The following DHODH variants were observed in gnomAD, a reference collection of about 807,000 sequenced individuals.
DHODH encodes dihydroorotate dehydrogenase (quinone).
A neutral mutation model predicts 39.7 loss-of-function variants in DHODH; 30 were observed. The observed-to-expected ratio is 0.76, with a 90% CI of 0.57 to 1.02. The LOEUF is 1.02. DHODH is among the 50% of genes least tolerant of loss of function. DHODH has a pLI of 0.00. For missense variants in DHODH, 531 were observed against 520.8 expected, an observed-to-expected ratio of 1.02 and a Z score of -0.19; for synonymous variants, 222 against 213.8, an observed-to-expected ratio of 1.04 and a Z score of -0.34.
intron 6 of DHODH, 67 bp downstream of exon 6, chr16:72,022,542 G>A (rs191199300): frequency 1.6e-4 from 212 of 1,317,640 alleles, no homozygotes; most frequent in Non-Finnish European, 2.2e-4. Flanking sequence ...GGCCAGCTGG[G>A]CTAGCCCAGA....
rs1190219833 is a variant in DHODH, at chr16:72,027,098, A to G, written c.*2899A>G. On this transcript the variant is annotated 3_prime_UTR_variant, in exon 9 of 9. Transcript: ENST00000219240. ...TGCAAGCTCCGCCTCCCGGGTTCAC[A>G]CTATTCTCCTGCCTCAGCCTCCCGA... The G allele has an allele frequency of 1.3e-5, 2 of 150,076 alleles. No individual in the cohort carries two copies. Among genetic ancestry groups the G allele is most frequent in the Non-Finnish European group, 3.0e-5 (2 of 67,612 alleles). The allele number at this position is 150,076 out of a possible 1,614,324, so 9.3% of individuals were successfully genotyped here. A position where few individuals can be genotyped will look rare whatever the true frequency, so the allele number is the denominator to read the frequency against.
intron 4 of DHODH, among the ~76,000 whole-genome samples, chr16:72,018,228 A>C (rs1003764914): frequency 1.3e-5 from 2 of 152,156 alleles, no homozygotes; most frequent in African/African-American, 4.8e-5. Flanking sequence ...GTTGTGGCTC[A>C]GTAGCGACCA....
chr16:72,011,016 A>C (rs1333359948), intron 1 of DHODH, among the ~76,000 whole-genome samples: 1 of 147,644 alleles, frequency 6.8e-6, no homozygotes, highest in East Asian at 1.9e-4. Context: ...ATGAGCCACC[A>C]AGTCCAGCTA....
chr16:72,014,740 A>G (rs948510977), intron 3 of DHODH, 68 bp downstream of exon 3: 139 of 1,474,104 alleles, frequency 9.4e-5, no homozygotes, highest in Non-Finnish European at 1.2e-4. Flanking sequence ...GAGATATAAG[A>G]TCTGCCTCTG....
chr16:72,026,617 G>C lies in DHODH; in HGVS notation c.*2418G>C, dbSNP rs2144012051. ...GCTGGTCTCGAACTCCTGACCTCTT[G>C]GTCCACCCGCCTCAGCCTCCCAAAG... On this transcript the variant is annotated 3_prime_UTR_variant, in exon 9 of 9. Coordinates refer to ENST00000219240, the MANE Select transcript of DHODH (RefSeq NM_001361.5). 6.6e-6 allele frequency: 1 copy of C among 152,148 alleles called. No homozygotes were observed. The highest frequency in any genetic ancestry group is 1.9e-4 in the East Asian group (1 of 5,184). The allele number at this position is 152,148 out of a possible 1,614,324, so 9.4% of individuals were successfully genotyped here.
chr16:72,023,386 C>A, intron 7 of DHODH, 68 bp downstream of exon 7: 1 of 1,613,102 alleles, frequency 6.2e-7, no homozygotes, highest in Non-Finnish European at 8.5e-7. Context: ...TGATGGGAAT[C>A]ATCATTCCCT....
chr16:72,023,584 G>C lies in DHODH; in HGVS notation c.1084G>C (p.Gly362Arg), dbSNP rs1286807512. 6.2e-7 allele frequency: 1 copy of C among 1,614,098 alleles called. No homozygotes were observed. The highest frequency in any genetic ancestry group is 2.2e-5 in the East Asian group (1 of 44,880). The change falls in exon 8 of 9, where the codon GGG becomes CGG. Residue 362 changes from glycine to arginine, a missense_variant. Coordinates refer to ENST00000219240, the MANE Select transcript of DHODH (RefSeq NM_001361.5). ...VQLYTALTFW[G>R]PPVVGKVKRE... ...GCTGTACACGGCCCTCACCTTCTGG[G>C]GGCCACCCGTTGTGGGCAAAGTCAA...
At chr16:72,010,208 C>G (rs1286930087) in intron 1 of DHODH, among the ~76,000 whole-genome samples, 3 of 152,204 alleles carry the variant, frequency 2.0e-5, no homozygotes, top group African/African-American at 7.2e-5. Flanking sequence ...CTTTCCCTCA[C>G]TCCTCTGTTC....
chr16:72,009,852 G>A (rs1326543975), intron 1 of DHODH, among the ~76,000 whole-genome samples: 1 of 152,108 alleles, frequency 6.6e-6, no homozygotes, highest in Non-Finnish European at 1.5e-5. Context: ...CTCACCTCGT[G>A]AGCCTCCCAA....
intron 4 of DHODH, among the ~76,000 whole-genome samples, chr16:72,019,041 C>T (rs1206144303): frequency 6.6e-6 from 1 of 152,230 alleles, no homozygotes; most frequent in East Asian, 1.9e-4. Context: ...CAGTAGCCTC[C>T]ACCTCCCAGG....
In DHODH at chr16:72,023,216, G is replaced by A. The variant is rs2041241035; in HGVS notation, c.871G>A (p.Gly291Ser). Residue 291 changes from glycine (G) to serine (S), a missense_variant, in exon 7 of 9, where the codon GGC becomes AGC. Gly to Ser is a moderately conservative substitution (Grantham distance 56, BLOSUM62 0). Transcript: ENST00000219240. ...VTNTTVSRPA[G>S]LQGALRSETG... Reference sequence around the variant, plus strand: ...GAACACCACCGTGAGTCGCCCTGCGGGCCTCCAGGGTGCCCTGCGCTCTGA... The same window carrying A: ...GAACACCACCGTGAGTCGCCCTGCGAGCCTCCAGGGTGCCCTGCGCTCTGA... The A allele has an allele frequency of 6.2e-7, 1 of 1,614,098 alleles. No individual in the cohort carries two copies. The highest frequency in any genetic ancestry group is 1.3e-5 in the African/African-American group (1 of 74,932).
At chr16:72,022,265 G>A (rs186794858) in intron 5 of DHODH, 97 bp from the exon 6 acceptor site, 6 of 847,856 alleles carry the variant, frequency 7.1e-6, no homozygotes, top group African/African-American at 5.0e-5. Context: ...TAGTTTGATC[G>A]CTATTGTGGA....
Position 72,026,980 on chromosome 16 carries a change from TGTGTGTGTGTGTGTGTGTGTGTGTG to T in DHODH, c.*2782_*2806del, listed in dbSNP as rs2041281516. ...TAATTTGTGTGTGTGTGTGTGTGTG[TGTGTGTGTGTGTGTGTGTGTGTGTG>T]TGTGTTTTTGAGATGGAGTCCTGCT... On this transcript the variant is annotated 3_prime_UTR_variant, in exon 9 of 9. Transcript: ENST00000219240. 1 of 146,630 alleles carries T rather than the reference TGTGTGTGTGTGTGTGTGTGTGTGTG, an allele frequency of 6.8e-6. No individual in the cohort carries two copies. The highest frequency in any genetic ancestry group is 1.5e-5 in the Non-Finnish European group (1 of 66,694). The allele number at this position is 146,630 out of a possible 1,614,324, so 9.1% of individuals were successfully genotyped here. A position where few individuals can be genotyped will look rare whatever the true frequency, so the allele number is the denominator to read the frequency against.
intron 2 of DHODH, among the ~76,000 whole-genome samples, chr16:72,013,189 G>T (rs2041103794): frequency 6.6e-6 from 1 of 151,312 alleles, no homozygotes; most frequent in Admixed American, 6.6e-5. Flanking sequence ...ATATGGTGTT[G>T]AGCAGACGTG....
intron 2 of DHODH, among the ~76,000 whole-genome samples, chr16:72,012,792 C>T (rs1295534237): frequency 6.6e-6 from 1 of 152,228 alleles, no homozygotes; most frequent in African/African-American, 2.4e-5. Flanking sequence ...GGGCCCTCTC[C>T]ATATGCTTGA....
chr16:72,022,108 A>AG (rs940397051), intron 5 of DHODH, among the ~76,000 whole-genome samples: 1 of 151,836 alleles, frequency 6.6e-6, no homozygotes, highest in African/African-American at 2.4e-5. Flanking sequence ...AAAAAAAAAA[A>AG]AAAAGAAAAG....
chr16:72,023,353 G>C (rs368763513), intron 7 of DHODH, 35 bp downstream of exon 7: 5 of 1,614,050 alleles, frequency 3.1e-6, no homozygotes, highest in Non-Finnish European at 3.4e-6. Context: ...TCAGATCTGC[G>C]TGTGGCTTGG....
At chr16:72,014,219 G>A (rs144272980) in intron 2 of DHODH, among the ~76,000 whole-genome samples, 2 of 152,132 alleles carry the variant, frequency 1.3e-5, no homozygotes, top group African/African-American at 2.4e-5. Flanking sequence ...CTCCCCCCAG[G>A]CTTGCTAATA....
At chr16:72,022,192 C>T (rs1436052534) in intron 5 of DHODH, among the ~76,000 whole-genome samples, 170 bp from the exon 6 acceptor site, 3 of 152,026 alleles carry the variant, frequency 2.0e-5, no homozygotes, top group Non-Finnish European at 4.4e-5. Flanking sequence ...GGAATCGGAT[C>T]CATCTCGACT....
Sources: gnomAD v4.1 joint callset for allele counts (sites outside exome capture counted in the v4.1 genomes callset) on GRCh38, gnomAD v4.1.1 for gene constraint, MANE v1.5 for transcripts, NCBI Gene and HGNC (gene_info 2026-07-23, HGNC 2026-07-21) for gene names.